Variants in ZNF804B observed in about 807,000 individuals in gnomAD.
ZNF804B encodes zinc finger protein 804B, also known as zinc finger 804B.
ZNF804B carries 80 observed loss-of-function variants against 101.4 expected under a neutral mutation model. That is an observed-to-expected ratio of 0.79 (90% CI 0.66 to 0.95). The LOEUF (loss-of-function observed/expected upper bound fraction) is 0.95. Among genes scored for constraint, ZNF804B ranks in the 40% least tolerant of loss-of-function variants. The pLI is 0.00. For missense variants in ZNF804B, 1,673 were observed against 1,561.9 expected, an observed-to-expected ratio of 1.07 and a Z score of -1.20; for synonymous variants, 622 against 558.8, an observed-to-expected ratio of 1.11 and a Z score of -1.59.
In ZNF804B at chr7:88,776,566, T is replaced by G. The variant is rs539424162; in HGVS notation, c.108+16482T>G. Among the ~76,000 whole-genome samples the G allele has an allele frequency of 3.4e-4, 48 of 142,394 alleles. 1 individual carries two copies. The highest frequency in any genetic ancestry group is 1.6e-3 in the South Asian group (7 of 4,498). The allele number at this position is 142,394 out of a possible 152,430, so 93.4% of individuals were successfully genotyped here. On this transcript the variant is annotated intron_variant, in intron 1 of 3. Coordinates refer to ENST00000333190, the MANE Select transcript of ZNF804B (RefSeq NM_181646.5). ...CTATTTCTCGTGGTGTTTTGTTTTT[T>G]TTTTTTTTTTTTTTTCAGAGCAAAT...
At position 89,028,249 on chromosome 7, in the gene ZNF804B, A is replaced by G. The variant is rs573912579; in HGVS notation, c.109-189906A>G. ...TTAACCCAATATTGGCAGGAACTTG[A>G]GTTAATTACAAACAGCAACTTGATT... On this transcript the variant is annotated intron_variant, in intron 1 of 3. Transcript: ENST00000333190. Among the ~76,000 whole-genome samples, 4 of 152,312 alleles carry G rather than the reference A, an allele frequency of 2.6e-5. No individual in the cohort carries two copies. The East Asian group carries it at 7.7e-4, about 29-fold the overall frequency.
chr7:89,281,220 G>T (rs1431081611), intron 2 of ZNF804B, among the ~76,000 whole-genome samples: 1 of 152,038 alleles, frequency 6.6e-6, no homozygotes. Context: ...ATCAAAGTTG[G>T]GTTTAAAATA....
chr7:88,946,808 A>T (rs1584032390), intron 1 of ZNF804B, among the ~76,000 whole-genome samples: 2 of 151,932 alleles, frequency 1.3e-5, no homozygotes, highest in East Asian at 3.9e-4. Flanking sequence ...CAGGGATTTG[A>T]TTCTTCCTGG....
intron 1 of ZNF804B, among the ~76,000 whole-genome samples, chr7:88,788,955 C>A (rs1790341534): frequency 6.6e-6 from 1 of 152,012 alleles, no homozygotes; most frequent in Admixed American, 6.6e-5. Flanking sequence ...GTTTCTTTTT[C>A]ATTTGAAATT....
intron 1 of ZNF804B, among the ~76,000 whole-genome samples, chr7:89,178,433 TA>T (rs1369158285): frequency 1.3e-5 from 2 of 152,128 alleles, no homozygotes; most frequent in Non-Finnish European, 2.9e-5. Flanking sequence ...TTGTAGTTTT[TA>T]AAATTTGAGA....
rs570956957 is a variant in ZNF804B at position 88,883,041 on chromosome 7, T to C, written c.108+122957T>C. ...ATTAAAAAATGTCTTCCAAATAATTTTTTAAATGACTATGCTTTCTACAAA... is the reference window on the plus strand; with the variant it reads ...ATTAAAAAATGTCTTCCAAATAATTCTTTAAATGACTATGCTTTCTACAAA... On this transcript the variant is annotated intron_variant, in intron 1 of 3. Coordinates refer to ENST00000333190, the MANE Select transcript of ZNF804B (RefSeq NM_181646.5). Among the ~76,000 whole-genome samples the C allele has an allele frequency of 1.2e-4, 18 of 152,154 alleles. No homozygotes were observed. The South Asian group carries it at 3.3e-3, about 28-fold the overall frequency.
intron 1 of ZNF804B, among the ~76,000 whole-genome samples, chr7:88,904,453 A>G (rs936179839): frequency 1.3e-5 from 2 of 152,280 alleles, no homozygotes; most frequent in Admixed American, 6.5e-5. Flanking sequence ...TTGGTTCCAC[A>G]TGAATTAAAA....
intron 1 of ZNF804B, among the ~76,000 whole-genome samples, chr7:88,933,289 C>T (rs1792917559): frequency 1.3e-5 from 2 of 151,716 alleles, no homozygotes; most frequent in Admixed American, 1.3e-4. Context: ...ATAGTAGAAA[C>T]TTATCTCAAA....
At chr7:89,157,303 G>T (rs1442226114) in intron 1 of ZNF804B, among the ~76,000 whole-genome samples, 1 of 152,066 alleles carries the variant, frequency 6.6e-6, no homozygotes, top group African/African-American at 2.4e-5. Flanking sequence ...AAATGTCAAG[G>T]TCTCCTAAGC....
At position 88,833,273 on chromosome 7, in the gene ZNF804B, G is replaced by A. The variant is rs28665342; in HGVS notation, c.108+73189G>A. ...TAGTTATCTCCCCTTTCTAACTTCA[G>A]AATATTTGAGGATGCAATCTCACCT... On this transcript the variant is annotated intron_variant, in intron 1 of 3. Coordinates refer to ENST00000333190, the MANE Select transcript of ZNF804B (RefSeq NM_181646.5). Among the ~76,000 whole-genome samples, 318 of 151,742 alleles carry A rather than the reference G, an allele frequency of 2.1e-3. 3 individuals are homozygous for A. Among genetic ancestry groups the A allele is most frequent in the African/African-American group, 7.4e-3 (307 of 41,404 alleles).
At chr7:89,106,590 GA>G (rs1790140683) in intron 1 of ZNF804B, among the ~76,000 whole-genome samples, 1 of 152,028 alleles carries the variant, frequency 6.6e-6, no homozygotes, top group South Asian at 2.1e-4. Context: ...CTAATGAAAA[GA>G]AATACAATTA....
intron 1 of ZNF804B, among the ~76,000 whole-genome samples, chr7:89,061,079 A>C (rs189363285): frequency 1.1e-4 from 16 of 152,202 alleles, no homozygotes; most frequent in African/African-American, 3.4e-4. Flanking sequence ...CTTTTTTATC[A>C]CTATGGTTTG....
intron 1 of ZNF804B, among the ~76,000 whole-genome samples, chr7:89,008,860 G>A (rs1373545218): frequency 6.6e-6 from 1 of 152,044 alleles, no homozygotes; most frequent in Non-Finnish European, 1.5e-5. Context: ...TAGCCCCTCT[G>A]TCTTAAGTAA....
intron 1 of ZNF804B, among the ~76,000 whole-genome samples, chr7:88,900,554 A>G (rs1414218434): frequency 6.8e-6 from 1 of 147,730 alleles, no homozygotes; most frequent in Non-Finnish European, 1.5e-5. Context: ...AACATTGGTC[A>G]AGCATCTAGT....
At chr7:89,071,291 G>A (rs1229970200) in intron 1 of ZNF804B, among the ~76,000 whole-genome samples, 2 of 152,006 alleles carry the variant, frequency 1.3e-5, no homozygotes, top group African/African-American at 4.8e-5. Flanking sequence ...ACTCAATCAG[G>A]AAATTTCAGT....
intron 1 of ZNF804B, among the ~76,000 whole-genome samples, chr7:89,018,796 A>T (rs913763975): frequency 3.9e-5 from 6 of 152,004 alleles, no homozygotes; most frequent in Non-Finnish European, 8.8e-5. Flanking sequence ...GTTGTTCATT[A>T]GAATCTCTAA....
chr7:89,135,252 C>T (rs974654371), intron 1 of ZNF804B, among the ~76,000 whole-genome samples: 1 of 152,020 alleles, frequency 6.6e-6, no homozygotes, highest in Non-Finnish European at 1.5e-5. Flanking sequence ...CTTATGGCTG[C>T]TTTAATTTGC....
intron 1 of ZNF804B, among the ~76,000 whole-genome samples, chr7:88,839,390 T>G (rs1011433946): frequency 6.6e-6 from 1 of 151,926 alleles, no homozygotes; most frequent in South Asian, 2.1e-4. Context: ...CTACCTTAGG[T>G]ATAACATAAG....
At chr7:89,071,895 A>G (rs373091272) in intron 1 of ZNF804B, among the ~76,000 whole-genome samples, 10 of 152,116 alleles carry the variant, frequency 6.6e-5, no homozygotes, top group African/African-American at 9.7e-5. Context: ...TGTTACTTCT[A>G]TAAGTTTTCT....
Sources: gnomAD v4.1 joint callset for allele counts (sites outside exome capture counted in the v4.1 genomes callset) on GRCh38, gnomAD v4.1.1 for gene constraint, MANE v1.5 for transcripts, NCBI Gene and HGNC (gene_info 2026-07-23, HGNC 2026-07-21) for gene names.